The following MARK3 variants were observed in gnomAD, a reference collection of about 807,000 sequenced individuals.
MARK3 encodes the protein MAP/microtubule affinity-regulating kinase 3.
Under a neutral mutation model 90.1 loss-of-function variants are expected in MARK3, and 46 were observed. The ratio of observed to expected loss-of-function variants is 0.51; its 90% CI spans 0.40 to 0.65. MARK3 has a LOEUF of 0.65. MARK3 is among the 30% of genes least tolerant of loss of function. The pLI is 0.00. For missense variants in MARK3, 818 were observed against 947.2 expected (o/e 0.86, Z 1.79); for synonymous variants, 321 against 332.6 (o/e 0.97, Z 0.38).
intron 3 of MARK3, among the ~76,000 whole-genome samples, chr14:103,435,167 C>T: frequency 6.6e-6 from 1 of 152,180 alleles, no homozygotes; most frequent in East Asian, 1.9e-4. Flanking sequence ...TTATTTTGGG[C>T]ACTGTTGATT....
intron 1 of MARK3, among the ~76,000 whole-genome samples, chr14:103,389,987 A>ACC (rs1324812004): frequency 2.2e-5 from 3 of 136,088 alleles, no homozygotes; most frequent in African/African-American, 5.6e-5. Flanking sequence ...GGTGGCTCAC[A>ACC]CCTGTAATCC....
In MARK3 at chr14:103,392,182, CT is replaced by C. The variant is rs757830531; in HGVS notation, c.51+6103del. 3.5e-4 allele frequency among the ~76,000 whole-genome samples: 54 copies of C among 152,234 alleles called. 1 individual carries two copies. In the South Asian group the frequency reaches 3.7e-3, roughly 11 times the overall value. On this transcript the variant is annotated intron_variant, in intron 1 of 17. Transcript: ENST00000429436. ...CTAGTCAGTCATCGGTTATGTGAGA[CT>C]GAATTAACCTATTCAGCAAGTGTGA...
chr14:103,445,371 C>T (rs1470511842), intron 3 of MARK3, among the ~76,000 whole-genome samples: 2 of 152,182 alleles, frequency 1.3e-5, no homozygotes, highest in Non-Finnish European at 2.9e-5. Context: ...TCCTCCCTGT[C>T]CTGCTTGTTT....
chr14:103,476,099 C>T (rs918714710), intron 13 of MARK3, among the ~76,000 whole-genome samples: 1 of 152,164 alleles, frequency 6.6e-6, no homozygotes, highest in Non-Finnish European at 1.5e-5. Flanking sequence ...GCACACCCAC[C>T]ATAGACACTA....
At chr14:103,456,535 G>T (rs899588674) in intron 5 of MARK3, among the ~76,000 whole-genome samples, 2 of 152,022 alleles carry the variant, frequency 1.3e-5, no homozygotes, top group African/African-American at 4.8e-5. Context: ...AAAACACAAG[G>T]GTGTGCACAC....
intron 2 of MARK3, among the ~76,000 whole-genome samples, chr14:103,421,223 CAG>C (rs1203979842): frequency 2.6e-5 from 4 of 152,190 alleles, no homozygotes; most frequent in African/African-American, 9.7e-5. Flanking sequence ...TGTTCTTAAA[CAG>C]ACACACACAT....
intron 13 of MARK3, among the ~76,000 whole-genome samples, chr14:103,478,347 C>T (rs982646996): frequency 1.3e-5 from 2 of 150,906 alleles, no homozygotes; most frequent in African/African-American, 4.9e-5. Context: ...ACTTTCCATT[C>T]CTCCTCTCCC....
chr14:103,442,747 G>A (rs567091783), intron 3 of MARK3, among the ~76,000 whole-genome samples: 3 of 152,162 alleles, frequency 2.0e-5, no homozygotes, highest in South Asian at 2.1e-4. Flanking sequence ...TTGGTGCTCC[G>A]GGAAATTTGT....
chr14:103,501,050 A>G (rs997335639), intron 17 of MARK3, among the ~76,000 whole-genome samples: 7 of 152,194 alleles, frequency 4.6e-5, no homozygotes, highest in Non-Finnish European at 8.8e-5. Context: ...GCCAGTCACC[A>G]GCAGGCTATT....
intron 16 of MARK3, 122 bp from the exon 17 acceptor site, chr14:103,500,034 A>G (rs761989259): frequency 2.6e-6 from 2 of 772,732 alleles, no homozygotes; most frequent in Non-Finnish European, 4.5e-6. Context: ...GCTGGTGTTT[A>G]AAACGTGTTT....
At chr14:103,418,134 C>T (rs2140924271) in intron 2 of MARK3, among the ~76,000 whole-genome samples, 1 of 148,692 alleles carries the variant, frequency 6.7e-6, no homozygotes, top group East Asian at 2.0e-4. Context: ...TCATTTTCAT[C>T]TGTTTGTTGT....
intron 3 of MARK3, among the ~76,000 whole-genome samples, chr14:103,439,003 AAAAG>A (rs1442249876): frequency 6.6e-6 from 1 of 151,864 alleles, no homozygotes; most frequent in Non-Finnish European, 1.5e-5. Context: ...AAAAAAAAAA[AAAAG>A]CACACACATT....
chr14:103,476,807 A>G (rs956651530), intron 13 of MARK3, among the ~76,000 whole-genome samples: 1 of 152,156 alleles, frequency 6.6e-6, no homozygotes, highest in African/African-American at 2.4e-5. Context: ...TGCATGTTTC[A>G]TCCTCTGACC....
intron 2 of MARK3, among the ~76,000 whole-genome samples, chr14:103,415,042 C>T (rs2091879123): frequency 6.7e-6 from 1 of 149,202 alleles, no homozygotes; most frequent in Non-Finnish European, 1.5e-5. Context: ...GTCCCAGCTA[C>T]TCGGGAGGCT....
At chr14:103,481,667 A>G (rs571970126) in intron 14 of MARK3, among the ~76,000 whole-genome samples, 2 of 147,738 alleles carry the variant, frequency 1.4e-5, no homozygotes, top group African/African-American at 5.0e-5. Context: ...GTGTTTCAAC[A>G]TTGTCTTTTC....
chr14:103,487,789 C>G (rs1005938186), intron 14 of MARK3, among the ~76,000 whole-genome samples: 2 of 151,952 alleles, frequency 1.3e-5, no homozygotes, highest in Admixed American at 6.5e-5. Flanking sequence ...TGGCTCACAC[C>G]TGTAATCCCA....
chr14:103,424,114 G>C (rs536253469), intron 2 of MARK3, among the ~76,000 whole-genome samples: 1 of 152,070 alleles, frequency 6.6e-6, no homozygotes, highest in African/African-American at 2.4e-5. Context: ...GGAGGCCAAG[G>C]CACGAGAATT....
chr14:103,450,347 C>A (rs551129495), intron 4 of MARK3, among the ~76,000 whole-genome samples: 1 of 152,108 alleles, frequency 6.6e-6, no homozygotes, highest in Non-Finnish European at 1.5e-5. Flanking sequence ...CGTCCTCCCG[C>A]CCCCCACAAA....
At chr14:103,494,381 G>T (rs2075207073) in intron 15 of MARK3, among the ~76,000 whole-genome samples, 1 of 151,250 alleles carries the variant, frequency 6.6e-6, no homozygotes, top group Non-Finnish European at 1.5e-5. Context: ...GAGAAACCCA[G>T]TCTCTACTAA....
Sources: allele counts gnomAD v4.1 joint callset (sites outside exome capture counted in the v4.1 genomes callset), GRCh38; gene constraint gnomAD v4.1.1; transcripts MANE v1.5; gene names NCBI Gene and HGNC (gene_info 2026-07-23, HGNC 2026-07-21).